GSPT1: variants seen among roughly 807,000 people sequenced by gnomAD.
The protein encoded by GSPT1 is eukaryotic peptide chain release factor GTP-binding subunit ERF3A.
A neutral mutation model predicts 72.5 loss-of-function variants in GSPT1; 20 were observed. That is an observed-to-expected ratio of 0.28 (90% confidence interval 0.19 to 0.40). GSPT1 has a LOEUF of 0.40. GSPT1 is among the 10% of genes least tolerant of loss of function. GSPT1 has a pLI of 1.00. For missense variants in GSPT1, 580 were observed against 811.9 expected (o/e 0.71, Z 3.47); for synonymous variants, 334 against 293.5 (o/e 1.14, Z -1.41).
At chr16:11,906,408 G>T (rs1244473963) in intron 1 of GSPT1, among the ~76,000 whole-genome samples, 1 of 152,136 alleles carries the variant, frequency 6.6e-6, no homozygotes, top group Non-Finnish European at 1.5e-5. Context: ...AGCTAAGAGG[G>T]TTGCTTGAGG....
chr16:11,885,325 A>T, intron 9 of GSPT1, 51 bp from the exon 10 acceptor site: 3 of 861,988 alleles, frequency 3.5e-6, no homozygotes, highest in Non-Finnish European at 5.9e-6. Context: ...AAATATCAAA[A>T]TGTTAAGTTA....
At chr16:11,883,990 C>G (rs1360678622) in intron 10 of GSPT1, among the ~76,000 whole-genome samples, 1 of 151,584 alleles carries the variant, frequency 6.6e-6, no homozygotes, top group African/African-American at 2.4e-5. Flanking sequence ...AATTCAGGTT[C>G]TCCTGATCTC....
Position 11,873,005 on chromosome 16 carries a change from T to C in GSPT1, c.*114A>G, listed in dbSNP as rs1290126888. The C allele has an allele frequency of 2.3e-5, 15 of 641,740 alleles. No individual in the cohort carries two copies. Among genetic ancestry groups the C allele is most frequent in the African/African-American group, 3.6e-5 (2 of 55,418 alleles). 39.8% of individuals were successfully genotyped at this position (641,740 alleles called of 1,614,324 possible). On this transcript the variant is annotated 3_prime_UTR_variant, in exon 15 of 15. Coordinates refer to ENST00000434724, the MANE Select transcript of GSPT1 (RefSeq NM_002094.4). ...GGACTTTTGCTGTGAATTTCCTCTT[T>C]GCAAAATATGGGGAGAGGTTTATCA...
intron 4 of GSPT1, 48 bp from the exon 5 acceptor site, chr16:11,895,035 A>T (rs140116091): frequency 1.7e-6 from 2 of 1,151,088 alleles, no homozygotes; most frequent in Admixed American, 1.9e-5. Flanking sequence ...CCAAAAACCA[A>T]TGGCTAAATA....
chr16:11,915,740 G>A lies in GSPT1; in HGVS notation c.-20C>T. On this transcript the variant is annotated 5_prime_UTR_variant, in exon 1 of 15. Coordinates refer to ENST00000434724, the MANE Select transcript of GSPT1 (RefSeq NM_002094.4). ...ATCCATGATCGGGGGGGCCGTGTGT[G>A]TGGTGGACAGAGAGCGGGAAATGGA... The A allele has an allele frequency of 6.5e-7, 1 of 1,538,658 alleles. No homozygotes were observed. The highest frequency in any genetic ancestry group is 8.7e-7 in the Non-Finnish European group (1 of 1,148,770).
At chr16:11,902,619 G>A (rs2054427609) in intron 1 of GSPT1, among the ~76,000 whole-genome samples, 1 of 149,368 alleles carries the variant, frequency 6.7e-6, no homozygotes, top group African/African-American at 2.5e-5. Context: ...ATGGAGTCTC[G>A]CTCTGTCGCC....
At chr16:11,897,929 G>C (rs1252649703) in intron 2 of GSPT1, 48 bp from the exon 3 acceptor site, 1 of 1,431,812 alleles carries the variant, frequency 7.0e-7, no homozygotes, top group Non-Finnish European at 9.6e-7. Flanking sequence ...ACAGTATCTA[G>C]CTTTACACAC....
intron 6 of GSPT1, among the ~76,000 whole-genome samples, chr16:11,889,135 T>C (rs1165707454): frequency 1.3e-5 from 2 of 151,666 alleles, no homozygotes; most frequent in East Asian, 4.0e-4. Flanking sequence ...GGTGAAACCC[T>C]GTCTCTACTA....
chr16:11,878,944 C>T (rs900527619), intron 11 of GSPT1, among the ~76,000 whole-genome samples: 2 of 151,756 alleles, frequency 1.3e-5, no homozygotes, highest in Non-Finnish European at 2.9e-5. Context: ...GGCGTGGTGG[C>T]AGGCACCTGT....
At chr16:11,905,402 G>A (rs541592288) in intron 1 of GSPT1, among the ~76,000 whole-genome samples, 4 of 152,262 alleles carry the variant, frequency 2.6e-5, no homozygotes, top group Admixed American at 6.5e-5. Flanking sequence ...AACAGTTCTA[G>A]CTCAAGGATT....
At chr16:11,905,109 A>C (rs2054472642) in intron 1 of GSPT1, among the ~76,000 whole-genome samples, 1 of 152,220 alleles carries the variant, frequency 6.6e-6, no homozygotes. Context: ...GTGAAACTGT[A>C]GTTTTGTTAG....
intron 14 of GSPT1, among the ~76,000 whole-genome samples, chr16:11,875,212 A>AGGAAAGGGAAAG (rs137923362): frequency 6.6e-6 from 1 of 151,612 alleles, no homozygotes; most frequent in Admixed American, 6.6e-5. Flanking sequence ...GAAAGGGAAG[A>AGGAAAGGGAAAG]GGAAAGGGAA....
chr16:11,899,865 C>G (rs2054383937), intron 1 of GSPT1, among the ~76,000 whole-genome samples: 1 of 152,038 alleles, frequency 6.6e-6, no homozygotes, highest in South Asian at 2.1e-4. Context: ...TGTGCCTGCA[C>G]TTATTCCACT....
chr16:11,913,787 T>A (rs748582499), intron 1 of GSPT1, among the ~76,000 whole-genome samples: 1 of 152,220 alleles, frequency 6.6e-6, no homozygotes, highest in Non-Finnish European at 1.5e-5. Flanking sequence ...AATTACAAGC[T>A]AAGCTTCCTT....
chr16:11,892,523 C>CAA (rs1452581943), intron 5 of GSPT1, among the ~76,000 whole-genome samples: 6 of 116,078 alleles, frequency 5.2e-5, no homozygotes, highest in South Asian at 5.8e-4. Flanking sequence ...ACAAAAAAAA[C>CAA]AAAAAAAACA....
chr16:11,910,857 A>C (rs1260608167), intron 1 of GSPT1, among the ~76,000 whole-genome samples: 2 of 152,248 alleles, frequency 1.3e-5, no homozygotes, highest in Non-Finnish European at 2.9e-5. Flanking sequence ...AAAAATTCTA[A>C]CAGTTTAAAC....
In GSPT1 at chr16:11,870,453, T is replaced by A. The variant is rs1271946974; in HGVS notation, c.*2666A>T. ...AAAAATCATTCTAGTAGAGCAACGT[T>A]AGAGAACAAATGCTTAGGTAATACC... On this transcript the variant is annotated 3_prime_UTR_variant, in exon 15 of 15. Transcript: ENST00000434724. 6.6e-6 allele frequency: 1 copy of A among 152,246 alleles called. No homozygotes were observed. The highest frequency in any genetic ancestry group is 6.5e-5 in the Admixed American group (1 of 15,278). The allele number at this position is 152,246 out of a possible 1,614,324, so 9.4% of individuals were successfully genotyped here. A position where few individuals can be genotyped will look rare whatever the true frequency, so the allele number is the denominator to read the frequency against.
rs138851978 is a variant in GSPT1, at chr16:11,896,359, G to A, written c.664+199C>T. Among the ~76,000 whole-genome samples the A allele has an allele frequency of 1.9e-3, 284 of 152,126 alleles. 1 individual carries two copies. The highest frequency in any genetic ancestry group is 6.3e-3 in the African/African-American group (263 of 41,496). On this transcript the variant is annotated intron_variant, in intron 4 of 14. Transcript: ENST00000434724. ...AAGTTTTTCTTCCAGCATCTATGCC[G>A]TTACAGAATTATTCATTTGCCTAAA...
chr16:11,911,863 T>C (rs2054562845), intron 1 of GSPT1, among the ~76,000 whole-genome samples: 1 of 107,346 alleles, frequency 9.3e-6, no homozygotes, highest in Non-Finnish European at 1.9e-5. Context: ...TATTTTTTTT[T>C]TTTTTTTTTT....
Sources: allele counts gnomAD v4.1 joint callset (sites outside exome capture counted in the v4.1 genomes callset), GRCh38; gene constraint gnomAD v4.1.1; transcripts MANE v1.5; gene names NCBI Gene and HGNC (gene_info 2026-07-23, HGNC 2026-07-21).